LTBP1: variants seen among roughly 807,000 people sequenced by gnomAD.
The protein encoded by LTBP1 is latent-transforming growth factor beta-binding protein 1.
LTBP1 carries 129 observed loss-of-function variants against 207.6 expected under a neutral mutation model. The ratio of observed to expected loss-of-function variants is 0.62; its 90% CI spans 0.54 to 0.72. The LOEUF (loss-of-function observed/expected upper bound fraction) is 0.72. LTBP1 is among the 30% of genes least tolerant of loss of function. LTBP1 has a pLI of 0.00. For missense variants in LTBP1, 2,281 were observed against 2,217.2 expected, an observed-to-expected ratio of 1.03 and a Z score of -0.58; for synonymous variants, 963 against 833.7, an observed-to-expected ratio of 1.16 and a Z score of -2.67.
At chr2:33,350,797 A>G (rs1265484425) in intron 26 of LTBP1, among the ~76,000 whole-genome samples, 1 of 150,098 alleles carries the variant, frequency 6.7e-6, no homozygotes, top group Non-Finnish European at 1.5e-5. Context: ...TAATTGCTCA[A>G]TAAAAACTTT....
Position 33,275,924 on chromosome 2 carries a change from G to A in LTBP1, c.2992+1G>A. On this transcript the variant is annotated splice_donor_variant, in intron 18 of 33. Coordinates refer to ENST00000404816, the MANE Select transcript of LTBP1 (RefSeq NM_206943.4). LOFTEE classifies it high-confidence loss of function. ...ATGACTCAGAGAGGCCGTTGTGAGG[G>A]TGAGTCAGCTGAGAGTGTTCAGCAC... 1 of 1,583,400 alleles carries A rather than the reference G, an allele frequency of 6.3e-7. No individual in the cohort carries two copies. The highest frequency in any genetic ancestry group is 8.6e-7 in the Non-Finnish European group (1 of 1,165,132).
intron 7 of LTBP1, among the ~76,000 whole-genome samples, chr2:33,191,019 A>G (rs1015197496): frequency 6.6e-6 from 1 of 152,204 alleles, no homozygotes; most frequent in Non-Finnish European, 1.5e-5. Flanking sequence ...GCACTGAACT[A>G]GTCTTGGAGA....
chr2:32,978,654 A>G (rs1218348912), intron 2 of LTBP1, among the ~76,000 whole-genome samples: 1 of 140,374 alleles, frequency 7.1e-6, no homozygotes, highest in Non-Finnish European at 1.6e-5. Context: ...ATTGGCCTGT[A>G]GTTTTTTTTT....
intron 15 of LTBP1, among the ~76,000 whole-genome samples, chr2:33,271,651 CA>C (rs768182010): frequency 4.6e-5 from 7 of 151,514 alleles, no homozygotes; most frequent in Non-Finnish European, 2.9e-5. Context: ...TAAAAAGTAC[CA>C]AAAAAAATGA....
intron 2 of LTBP1, among the ~76,000 whole-genome samples, chr2:32,996,522 T>G (rs1685298982): frequency 6.6e-6 from 1 of 152,204 alleles, no homozygotes; most frequent in African/African-American, 2.4e-5. Context: ...TACTGTGTAC[T>G]CAGAGCTGTG....
intron 3 of LTBP1, among the ~76,000 whole-genome samples, chr2:33,069,283 C>T (rs2077667306): frequency 6.6e-6 from 1 of 152,132 alleles, no homozygotes; most frequent in Non-Finnish European, 1.5e-5. Context: ...TGCCTCCCTC[C>T]CCGCCCCACT....
chr2:33,274,060 A>G (rs1289749030), intron 16 of LTBP1, among the ~76,000 whole-genome samples: 1 of 152,260 alleles, frequency 6.6e-6, no homozygotes, highest in African/African-American at 2.4e-5. Flanking sequence ...CAAAATATGA[A>G]TTACAGAAAC....
intron 3 of LTBP1, among the ~76,000 whole-genome samples, chr2:33,050,443 C>T (rs2076676245): frequency 6.6e-6 from 1 of 151,982 alleles, no homozygotes; most frequent in South Asian, 2.1e-4. Flanking sequence ...GGAGAAATTT[C>T]AGATTCCAAG....
rs2093397687 is a variant in LTBP1 at position 33,275,028 on chromosome 2, G to A, written c.2807G>A (p.Gly936Glu). Residue 936 changes from glycine (G) to glutamate (E), a missense_variant, in exon 17 of 34, where the codon GGA (glycine) becomes GAA (glutamate). Around this residue, in one of 3 missense-constraint regions of LTBP1, gnomAD observed 1,671 missense variants for 1,634.8 expected, o/e 1.02. Transcript: ENST00000404816. ...CAGGGCCGCTGTGAAAACACCGAGGGAAGTTTCTTGTGCATTTGCCCAGCA... is the reference window on the plus strand; with the variant it reads ...CAGGGCCGCTGTGAAAACACCGAGGAAAGTTTCTTGTGCATTTGCCCAGCA... ...CSQGRCENTE[G>E]SFLCICPAGF... 1.2e-6 allele frequency: 2 copies of A among 1,614,126 alleles called. No homozygotes were observed. The highest frequency in any genetic ancestry group is 8.5e-7 in the Non-Finnish European group (1 of 1,179,986).
intron 2 of LTBP1, among the ~76,000 whole-genome samples, chr2:32,983,874 A>T (rs1450716839): frequency 6.6e-6 from 1 of 152,216 alleles, no homozygotes; most frequent in African/African-American, 2.4e-5. Flanking sequence ...GCAGTATGAA[A>T]ATGGACTAAT....
intron 3 of LTBP1, among the ~76,000 whole-genome samples, chr2:33,048,858 G>C (rs1573303924): frequency 6.6e-6 from 1 of 152,194 alleles, no homozygotes; most frequent in Admixed American, 6.5e-5. Context: ...AGATGCTAAT[G>C]AGCAGATATC....
chr2:33,261,480 G>A (rs1321229379), intron 13 of LTBP1, among the ~76,000 whole-genome samples: 1 of 152,214 alleles, frequency 6.6e-6, no homozygotes, highest in Admixed American at 6.5e-5. Flanking sequence ...GAAAGAGGAA[G>A]CCAGTTAGAT....
At chr2:33,157,061 A>C (rs2084034828) in intron 5 of LTBP1, among the ~76,000 whole-genome samples, 2 of 152,080 alleles carry the variant, frequency 1.3e-5, no homozygotes, top group Admixed American at 6.6e-5. Flanking sequence ...TTTTGTTTGG[A>C]CTCCAGGCAT....
chr2:33,302,789 G>A (rs544635868), intron 22 of LTBP1, among the ~76,000 whole-genome samples: 3 of 152,252 alleles, frequency 2.0e-5, no homozygotes, highest in South Asian at 4.2e-4. Flanking sequence ...GAGGCCAGAT[G>A]TGGTGGCTCA....
In LTBP1 at chr2:33,361,518, C is replaced by T; in HGVS notation, c.4270+3C>T. On this transcript the variant is annotated splice_donor_region_variant and intron_variant, in intron 28 of 33. Transcript: ENST00000404816. Reference sequence around the variant, plus strand: ...AGCTGGTGGTGAGAACTATAAAGGTCAGAATCAAGTGGAAACAAATTTTCA... The same window carrying T: ...AGCTGGTGGTGAGAACTATAAAGGTTAGAATCAAGTGGAAACAAATTTTCA... The T allele has an allele frequency of 6.2e-7, 1 of 1,608,010 alleles. No individual in the cohort carries two copies. The highest frequency in any genetic ancestry group is 8.5e-7 in the Non-Finnish European group (1 of 1,176,044).
At chr2:32,990,478 GT>G (rs1684236893) in intron 2 of LTBP1, among the ~76,000 whole-genome samples, 1 of 152,144 alleles carries the variant, frequency 6.6e-6, no homozygotes, top group Non-Finnish European at 1.5e-5. Flanking sequence ...CACTGGGTGA[GT>G]TTCACAAAAC....
In LTBP1 at chr2:33,187,011, T is replaced by C. The variant is rs745424717; in HGVS notation, c.1357T>C (p.Leu453=). The change falls in exon 6 of 34, where the codon TTG becomes CTG. Residue 453 remains leucine, a synonymous_variant. Coordinates refer to ENST00000404816, the MANE Select transcript of LTBP1 (RefSeq NM_206943.4). ...YQHSQQPGKA[L]GTHVIHSTHT... ...GCATTCCCAGCAGCCAGGCAAGGCGTTGGGGACGCATGTCATCCATTCAAC... is the reference window on the plus strand; with the variant it reads ...GCATTCCCAGCAGCCAGGCAAGGCGCTGGGGACGCATGTCATCCATTCAAC... 9.3e-6 allele frequency: 15 copies of C among 1,613,970 alleles called. No homozygotes were observed. The highest frequency in any genetic ancestry group is 1.6e-4 in the Middle Eastern group (1 of 6,084).
chr2:33,281,525 TCATTCTCATAGCC>T (rs2093559260), intron 19 of LTBP1, among the ~76,000 whole-genome samples: 1 of 152,178 alleles, frequency 6.6e-6, no homozygotes, highest in South Asian at 2.1e-4. Context: ...CTGACGGTCT[TCATTCTCATAGCC>T]CTGGGAAGAC....
chr2:33,188,569 T>A lies in LTBP1; in HGVS notation c.1427-8T>A. 6.2e-7 allele frequency: 1 copy of A among 1,603,314 alleles called. No individual in the cohort carries two copies. Among genetic ancestry groups the A allele is most frequent in the Non-Finnish European group, 8.5e-7 (1 of 1,174,454 alleles). ...GGACTAACAAGTTTTCCTCCCAATC[T>A]GTTGTAGTGAAATTTCCTCCTAACA... On this transcript the variant is annotated splice_polypyrimidine_tract_variant and splice_region_variant and intron_variant, in intron 6 of 33. Transcript: ENST00000404816.
Sources: allele counts gnomAD v4.1 joint callset (sites outside exome capture counted in the v4.1 genomes callset), GRCh38; gene constraint gnomAD v4.1.1; regional missense constraint gnomAD v4.1.1; transcripts MANE v1.5; gene names NCBI Gene and HGNC (gene_info 2026-07-23, HGNC 2026-07-21).